FOXK1: variants seen among roughly 807,000 people sequenced by gnomAD.
FOXK1 encodes the protein forkhead box K1.
A neutral mutation model predicts 51.9 loss-of-function variants in FOXK1; 19 were observed. The observed-to-expected ratio is 0.37, with a 90% CI of 0.26 to 0.54. The LOEUF (loss-of-function observed/expected upper bound fraction) is 0.54. FOXK1 is among the 20% of genes least tolerant of loss of function. The pLI is 0.87. For synonymous variants in FOXK1, 537 were observed against 482.6 expected, an observed-to-expected ratio of 1.11 and a Z score of -1.48; for missense variants, 870 against 1,032.7, an observed-to-expected ratio of 0.84 and a Z score of 2.16.
At position 4,683,576 on chromosome 7, in the gene FOXK1, C is replaced by G. The variant is rs2115025014; in HGVS notation, c.560+708C>G. 6.6e-6 allele frequency among the ~76,000 whole-genome samples: 1 copy of G among 152,056 alleles called. No homozygotes were observed. Among genetic ancestry groups the G allele is most frequent in the East Asian group, 1.9e-4 (1 of 5,134 alleles). ...GGGATCACCCTCAACCCTTCCAGGTCACCCTGGACCCCCACCAGCTTGGAC... is the reference window on the plus strand; with the variant it reads ...GGGATCACCCTCAACCCTTCCAGGTGACCCTGGACCCCCACCAGCTTGGAC... On this transcript the variant is annotated intron_variant, in intron 1 of 8. Coordinates refer to ENST00000328914, the MANE Select transcript of FOXK1 (RefSeq NM_001037165.2). The surrounding 1 kb of genome is among the most constrained non-coding windows in gnomAD (Gnocchi z 4.5).
rs554168298 is a variant in FOXK1 at position 4,705,525 on chromosome 7, C to T, written c.560+22657C>T. Among the ~76,000 whole-genome samples, 599 of 132,340 alleles carry T rather than the reference C, an allele frequency of 4.5e-3. 6 individuals carry two copies. The highest frequency in any genetic ancestry group is 0.018 in the Middle Eastern group (5 of 284). 86.8% of individuals were successfully genotyped at this position (132,340 alleles called of 152,430 possible). A position where few individuals can be genotyped will look rare whatever the true frequency, so the allele number is the denominator to read the frequency against. The stretch of plus-strand genomic sequence containing the variant: ...GTGTCATTTCCTTCTCTTTCTCTCT[C>T]TCTCTCTCTCTCTCTCTCTCTCTCT... On this transcript the variant is annotated intron_variant, in intron 1 of 8. Transcript: ENST00000328914.
At position 4,715,745 on chromosome 7, in the gene FOXK1, G is replaced by A. The variant is rs1004998283; in HGVS notation, c.561-25093G>A. On this transcript the variant is annotated intron_variant, in intron 1 of 8. Transcript: ENST00000328914. This position sits in a 1 kb window ranked among gnomAD's most constrained non-coding sequence, Gnocchi z 4.5. ...GTTGTCATTGGCCAAGCCAGCTCCG[G>A]GCACCCTGAGGTTCCCTCACAGCGA... 6.6e-5 allele frequency among the ~76,000 whole-genome samples: 10 copies of A among 152,112 alleles called. No homozygotes were observed. Among genetic ancestry groups the A allele is most frequent in the Non-Finnish European group, 1.3e-4 (9 of 68,030 alleles).
At chr7:4,705,783 C>A (rs1009892943) in intron 1 of FOXK1, among the ~76,000 whole-genome samples, 19 of 150,936 alleles carry the variant, frequency 1.3e-4, no homozygotes, top group African/African-American at 3.2e-4. Context: ...GTGACCCCCC[C>A]CCGCCTCAGC....
chr7:4,696,338 A>G (rs1779952488), intron 1 of FOXK1, among the ~76,000 whole-genome samples: 1 of 152,112 alleles, frequency 6.6e-6, no homozygotes, highest in Non-Finnish European at 1.5e-5. Context: ...TACTGTGTGT[A>G]TTGGCTGTGG....
chr7:4,724,045 A>G (rs1376466971), intron 1 of FOXK1, among the ~76,000 whole-genome samples: 3 of 151,884 alleles, frequency 2.0e-5, no homozygotes, highest in Admixed American at 6.6e-5. Context: ...GGTACTTTGG[A>G]TTATTAAGTT....
chr7:4,686,160 T>C (rs1779815287), intron 1 of FOXK1, among the ~76,000 whole-genome samples: 1 of 152,188 alleles, frequency 6.6e-6, no homozygotes, highest in African/African-American at 2.4e-5. Context: ...CTGGAAATTG[T>C]GAATTTGTTT....
Position 4,762,557 on chromosome 7 carries a change from G to A in FOXK1, c.*93G>A. The A allele has an allele frequency of 1.5e-6, 2 of 1,337,648 alleles. No homozygotes were observed. Among genetic ancestry groups the A allele is most frequent in the Non-Finnish European group, 2.0e-6 (2 of 995,858 alleles). 82.9% of individuals were successfully genotyped at this position (1,337,648 alleles called of 1,614,324 possible). A position where few individuals can be genotyped will look rare whatever the true frequency, so the allele number is the denominator to read the frequency against. ...GGCGGCCGCACCCACAGACGGAGGA[G>A]AACAGCCCGCGGCGGCCTGTGGGCA... On this transcript the variant is annotated 3_prime_UTR_variant, in exon 9 of 9. Coordinates refer to ENST00000328914, the MANE Select transcript of FOXK1 (RefSeq NM_001037165.2). The surrounding 1 kb of genome is among the most constrained non-coding windows in gnomAD (Gnocchi z 5.7).
intron 1 of FOXK1, among the ~76,000 whole-genome samples, chr7:4,689,317 G>A (rs530462257): frequency 2.3e-4 from 35 of 152,286 alleles, no homozygotes; most frequent in South Asian, 8.3e-4. Context: ...TGCCAGCATC[G>A]GATACGTGGC....
chr7:4,743,773 G>A lies in FOXK1; in HGVS notation c.746+2750G>A, dbSNP rs535756114. ...AAGGCCTCAGGTCCAGAGAGAAGCA[G>A]GCCAGGCAGCGATCCGGGGCTCCTG... On this transcript the variant is annotated intron_variant, in intron 2 of 8. Coordinates refer to ENST00000328914, the MANE Select transcript of FOXK1 (RefSeq NM_001037165.2). This position sits in a 1 kb window ranked among gnomAD's most constrained non-coding sequence, Gnocchi z 5.3. 2.0e-3 allele frequency among the ~76,000 whole-genome samples: 310 copies of A among 152,332 alleles called. 1 individual carries two copies. Among genetic ancestry groups the A allele is most frequent in the African/African-American group, 7.2e-3 (300 of 41,584 alleles).
At chr7:4,716,847 C>T (rs1780240859) in intron 1 of FOXK1, among the ~76,000 whole-genome samples, 1 of 152,232 alleles carries the variant, frequency 6.6e-6, no homozygotes. Context: ...AAGCTGATTG[C>T]TTGATTTTTC....
At position 4,684,179 on chromosome 7, in the gene FOXK1, C is replaced by G. The variant is rs1438030453; in HGVS notation, c.560+1311C>G. 4.6e-5 allele frequency among the ~76,000 whole-genome samples: 7 copies of G among 152,200 alleles called. 1 individual carries two copies. The highest frequency in any genetic ancestry group is 1.0e-4 in the Non-Finnish European group (7 of 68,032). ...GAAAGCCTGTTTAATTACTCATTTCCTCTGGAGCCACTTTCTTTTTCTATT... is the reference window on the plus strand; with the variant it reads ...GAAAGCCTGTTTAATTACTCATTTCGTCTGGAGCCACTTTCTTTTTCTATT... On this transcript the variant is annotated intron_variant, in intron 1 of 8. Coordinates refer to ENST00000328914, the MANE Select transcript of FOXK1 (RefSeq NM_001037165.2).
In FOXK1 at chr7:4,730,607, A is replaced by G. The variant is rs1443009451; in HGVS notation, c.561-10231A>G. 2.0e-5 allele frequency among the ~76,000 whole-genome samples: 3 copies of G among 152,072 alleles called. No homozygotes were observed. Among genetic ancestry groups the G allele is most frequent in the East Asian group, 3.9e-4 (2 of 5,188 alleles). On this transcript the variant is annotated intron_variant, in intron 1 of 8. Coordinates refer to ENST00000328914, the MANE Select transcript of FOXK1 (RefSeq NM_001037165.2). The surrounding 1 kb of genome is among the most constrained non-coding windows in gnomAD (Gnocchi z 4.7). ...CCTTCAAGTTTGTGCCTTATTTTCC[A>G]AAGCCGCCACACTTGAGACGTCCTT... is the stretch of plus-strand genomic sequence containing the variant.
rs1057345019 is a variant in FOXK1, at chr7:4,770,703, G to C, written c.*8239G>C. The stretch of plus-strand genomic sequence containing the variant: ...AGAGTCTGTCCTGAGATGTCGCTGA[G>C]TCCAGACACTTGGGCTGCACGTGCC... On this transcript the variant is annotated 3_prime_UTR_variant, in exon 9 of 9. Coordinates refer to ENST00000328914, the MANE Select transcript of FOXK1 (RefSeq NM_001037165.2). 6.6e-6 allele frequency: 1 copy of C among 152,154 alleles called. No individual in the cohort carries two copies. Among genetic ancestry groups the C allele is most frequent in the African/African-American group, 2.4e-5 (1 of 41,414 alleles). The allele number at this position is 152,154 out of a possible 1,614,324, so 9.4% of individuals were successfully genotyped here. A position where few individuals can be genotyped will look rare whatever the true frequency, so the allele number is the denominator to read the frequency against.
intron 1 of FOXK1, among the ~76,000 whole-genome samples, chr7:4,706,379 T>C (rs755508179): frequency 4.6e-5 from 7 of 152,158 alleles, no homozygotes; most frequent in Non-Finnish European, 8.8e-5. Flanking sequence ...GGAGTTTATA[T>C]CTGTGACACT....
At position 4,770,447 on chromosome 7, in the gene FOXK1, C is replaced by A. The variant is rs1341817578; in HGVS notation, c.*7983C>A. 3 of 152,262 alleles carry A rather than the reference C, an allele frequency of 2.0e-5. No individual in the cohort carries two copies. The highest frequency in any genetic ancestry group is 7.2e-5 in the African/African-American group (3 of 41,438). The allele number at this position is 152,262 out of a possible 1,614,324, so 9.4% of individuals were successfully genotyped here. ...CAGGGAGGCTGAGGCATGAGAATCGCTTGAACCTGGGAGATGGAGGTTGCA... is the reference window on the plus strand; with the variant it reads ...CAGGGAGGCTGAGGCATGAGAATCGATTGAACCTGGGAGATGGAGGTTGCA... On this transcript the variant is annotated 3_prime_UTR_variant, in exon 9 of 9. Transcript: ENST00000328914.
At chr7:4,742,678 A>C (rs1780650662) in intron 2 of FOXK1, among the ~76,000 whole-genome samples, 1 of 152,030 alleles carries the variant, frequency 6.6e-6, no homozygotes. Flanking sequence ...CCACCTCCCA[A>C]AGTGCTGAGG....
rs182117259 is a variant in FOXK1 at position 4,703,179 on chromosome 7, G to A, written c.560+20311G>A. On this transcript the variant is annotated intron_variant, in intron 1 of 8. Coordinates refer to ENST00000328914, the MANE Select transcript of FOXK1 (RefSeq NM_001037165.2). The surrounding 1 kb of genome is among the most constrained non-coding windows in gnomAD (Gnocchi z 5.6). ...TTCCAGGGCAGGCGGCTGGGAGGGC[G>A]TTTCTGAGGAAGTGCTGTTTTAGCC... is the stretch of plus-strand genomic sequence containing the variant. Among the ~76,000 whole-genome samples, 72 of 152,222 alleles carry A rather than the reference G, an allele frequency of 4.7e-4. No individual in the cohort carries two copies. The East Asian group carries it at 0.013, about 27-fold the overall frequency.
rs759885226 is a variant in FOXK1, at chr7:4,683,727, C to T, written c.560+859C>T. On this transcript the variant is annotated intron_variant, in intron 1 of 8. Coordinates refer to ENST00000328914, the MANE Select transcript of FOXK1 (RefSeq NM_001037165.2). The surrounding 1 kb of genome is among the most constrained non-coding windows in gnomAD (Gnocchi z 4.5). ...CCCCAGTGGCTACCCCTGACCCTGT[C>T]TGGTCTGGACCCTTGGGCCACCCCC... is the stretch of plus-strand genomic sequence containing the variant. Among the ~76,000 whole-genome samples the T allele has an allele frequency of 7.2e-5, 11 of 152,264 alleles. No homozygotes were observed. The highest frequency in any genetic ancestry group is 2.6e-4 in the Admixed American group (4 of 15,300).
At chr7:4,684,831 A>AT (rs527904519) in intron 1 of FOXK1, among the ~76,000 whole-genome samples, 120 of 149,782 alleles carry the variant, frequency 8.0e-4, no homozygotes, top group African/African-American at 1.5e-3. Context: ...CTTTCACGGT[A>AT]TTTTTTTTTT....
Sources: gnomAD v4.1 joint callset for allele counts (sites outside exome capture counted in the v4.1 genomes callset) on GRCh38, gnomAD v4.1.1 for gene constraint, Gnocchi (gnomAD v3.1) non-coding constraint, MANE v1.5 for transcripts, NCBI Gene and HGNC (gene_info 2026-07-23, HGNC 2026-07-21) for gene names.